GNG12: variants seen among roughly 807,000 people sequenced by gnomAD.
GNG12 encodes the protein G protein subunit gamma 12.
For synonymous variants in GNG12, 28 were observed against 29.7 expected (o/e 0.94, Z 0.19); for missense variants, 69 against 83.8 (o/e 0.82, Z 0.69).
intron 2 of GNG12, among the ~76,000 whole-genome samples, chr1:67,737,609 T>A (rs1646459519): frequency 6.7e-6 from 1 of 149,754 alleles, no homozygotes; most frequent in Non-Finnish European, 1.5e-5. Context: ...ATGAAGACTT[T>A]CTTTTTTTTT....
intron 2 of GNG12, among the ~76,000 whole-genome samples, chr1:67,729,396 T>C (rs1646406221): frequency 6.6e-6 from 1 of 152,008 alleles, no homozygotes; most frequent in Non-Finnish European, 1.5e-5. Flanking sequence ...CTTCTCTCTC[T>C]TTCTGCTAAT....
intron 1 of GNG12, among the ~76,000 whole-genome samples, chr1:67,786,933 ATATGTGTGTGTG>A (rs1225400867): frequency 4.6e-4 from 24 of 52,118 alleles, no homozygotes; most frequent in South Asian, 2.0e-3. Context: ...ACTTATATAT[ATATGTGTGTGTG>A]TGTGTGTGTG....
chr1:67,813,779 A>G (rs1646939017), intron 1 of GNG12, among the ~76,000 whole-genome samples: 1 of 152,308 alleles, frequency 6.6e-6, no homozygotes, highest in South Asian at 2.1e-4. Flanking sequence ...CAACTTTTGC[A>G]TCTTTTCCTC....
rs1410255414 is a variant in GNG12, at chr1:67,777,205, A to G, written c.-27+253T>C. ...GGCCTGGAAATAGTTTCATTACCCAAAAAAGTTTTTATTTTAGTAGTATTT... is the reference window on the plus strand; with the variant it reads ...GGCCTGGAAATAGTTTCATTACCCAGAAAAGTTTTTATTTTAGTAGTATTT... On this transcript the variant is annotated intron_variant, in intron 2 of 3. Coordinates refer to ENST00000370982, the MANE Select transcript of GNG12 (RefSeq NM_018841.6). 5 of 152,228 alleles carry G rather than the reference A, an allele frequency of 3.3e-5. 1 individual carries two copies. Among genetic ancestry groups the G allele is most frequent in the Admixed American group, 3.3e-4 (5 of 15,276 alleles). The allele number at this position is 152,228 out of a possible 1,614,324, so 9.4% of individuals were successfully genotyped here.
intron 1 of GNG12, among the ~76,000 whole-genome samples, chr1:67,827,812 C>G (rs1165208138): frequency 6.6e-6 from 1 of 152,154 alleles, no homozygotes; most frequent in African/African-American, 2.4e-5. Context: ...AGGATGGTAA[C>G]CAGACACTTC....
intron 1 of GNG12, among the ~76,000 whole-genome samples, chr1:67,808,346 T>C (rs1646904949): frequency 6.6e-6 from 1 of 152,050 alleles, no homozygotes; most frequent in South Asian, 2.1e-4. Context: ...AAATAGCCCA[T>C]ATTTAATAGT....
chr1:67,715,440 C>T (rs565318844), intron 2 of GNG12, among the ~76,000 whole-genome samples: 4 of 152,292 alleles, frequency 2.6e-5, no homozygotes, highest in African/African-American at 4.8e-5. Context: ...CAATTCAATG[C>T]GTTTAGGAGC....
chr1:67,749,383 G>T (rs1646525731), intron 2 of GNG12, among the ~76,000 whole-genome samples: 1 of 152,150 alleles, frequency 6.6e-6, no homozygotes, highest in Non-Finnish European at 1.5e-5. Flanking sequence ...GCTGTAAAGG[G>T]AATTAAATGA....
Position 67,702,035 on chromosome 1 carries a change from A to G in GNG12, c.*3416T>C, listed in dbSNP as rs527968713. 1.2e-3 allele frequency: 189 copies of G among 153,002 alleles called. 2 individuals carry two copies. Among genetic ancestry groups the G allele is most frequent in the Middle Eastern group, 1.0e-2 (4 of 402 alleles). 9.5% of individuals were successfully genotyped at this position (153,002 alleles called of 1,614,324 possible). A position where few individuals can be genotyped will look rare whatever the true frequency, so the allele number is the denominator to read the frequency against. On this transcript the variant is annotated 3_prime_UTR_variant, in exon 4 of 4. Transcript: ENST00000370982. The stretch of plus-strand genomic sequence containing the variant: ...AGCCACTTGTTTTACAAATGGAGAA[A>G]TAGAGGCCCAGAGAGATGAAGCGCC...
intron 1 of GNG12, among the ~76,000 whole-genome samples, chr1:67,791,631 T>C (rs1250352894): frequency 6.6e-6 from 1 of 152,142 alleles, no homozygotes; most frequent in Admixed American, 6.5e-5. Context: ...CAGCAAATCC[T>C]GTCAGCCCTA....
chr1:67,816,214 G>A (rs1303247987), intron 1 of GNG12, among the ~76,000 whole-genome samples: 2 of 152,118 alleles, frequency 1.3e-5, no homozygotes, highest in East Asian at 1.9e-4. Context: ...AGAAAGTTTA[G>A]GTCAGAGTCC....
At chr1:67,777,782 T>TAAGGGGAAG (rs1646714823) in intron 1 of GNG12, among the ~76,000 whole-genome samples, 1 of 152,148 alleles carries the variant, frequency 6.6e-6, no homozygotes, top group Non-Finnish European at 1.5e-5. Context: ...CCTCTCCAAG[T>TAAGGGGAAG]CAGGGGAAGC....
chr1:67,731,668 G>A (rs572036287), intron 2 of GNG12, among the ~76,000 whole-genome samples: 1 of 152,204 alleles, frequency 6.6e-6, no homozygotes, highest in Admixed American at 6.5e-5. Context: ...TTAGCTTTCA[G>A]GCTCTGGATT....
At chr1:67,774,736 C>T (rs1006539247) in intron 2 of GNG12, among the ~76,000 whole-genome samples, 1 of 152,206 alleles carries the variant, frequency 6.6e-6, no homozygotes, top group Non-Finnish European at 1.5e-5. Context: ...ATGCCTTCCT[C>T]CTCTCTCTAG....
intron 1 of GNG12, among the ~76,000 whole-genome samples, chr1:67,781,783 G>A (rs540081616): frequency 6.6e-6 from 1 of 152,232 alleles, no homozygotes; most frequent in Admixed American, 6.5e-5. Flanking sequence ...GATACAGGGA[G>A]TCAAGCAACT....
At chr1:67,756,991 G>A (rs1392874716) in intron 2 of GNG12, among the ~76,000 whole-genome samples, 4 of 152,146 alleles carry the variant, frequency 2.6e-5, no homozygotes, top group South Asian at 2.1e-4. Context: ...GCTATAGTAC[G>A]ACTTTTCTAA....
chr1:67,817,509 C>T (rs888827421), intron 1 of GNG12, among the ~76,000 whole-genome samples: 12 of 152,338 alleles, frequency 7.9e-5, no homozygotes, highest in Non-Finnish European at 1.5e-4. Flanking sequence ...ACACTGTCTC[C>T]ACCCTAACTA....
At chr1:67,820,046 T>C (rs1038270088) in intron 1 of GNG12, among the ~76,000 whole-genome samples, 1 of 151,536 alleles carries the variant, frequency 6.6e-6, no homozygotes, top group African/African-American at 2.4e-5. Flanking sequence ...TTGTTCACAG[T>C]TGTATCCCCC....
In GNG12 at chr1:67,739,547, C is replaced by G. The variant is rs552366809; in HGVS notation, c.-26-31835G>C. On this transcript the variant is annotated intron_variant, in intron 2 of 3. Coordinates refer to ENST00000370982, the MANE Select transcript of GNG12 (RefSeq NM_018841.6). The stretch of plus-strand genomic sequence containing the variant: ...GTTGGAAAATCACAGAATAGGGGCT[C>G]TATCTTGTCCTGGGATCAGAGATAG... Among the ~76,000 whole-genome samples the G allele has an allele frequency of 2.6e-5, 4 of 152,336 alleles. No individual in the cohort carries two copies. The East Asian group carries it at 5.8e-4, about 22-fold the overall frequency.
Sources: gnomAD v4.1 joint callset for allele counts (sites outside exome capture counted in the v4.1 genomes callset) on GRCh38, gnomAD v4.1.1 for gene constraint, MANE v1.5 for transcripts, NCBI Gene and HGNC (gene_info 2026-07-23, HGNC 2026-07-21) for gene names.